XRCC4: variants seen among roughly 807,000 people sequenced by gnomAD.
XRCC4 encodes X-ray repair cross complementing 4, also known as DNA repair protein XRCC4.
A neutral mutation model predicts 39.1 loss-of-function variants in XRCC4; 28 were observed. That is an observed-to-expected ratio of 0.72 (90% CI 0.53 to 0.98). XRCC4 has a LOEUF of 0.98. Among genes scored for constraint, XRCC4 ranks in the 50% least tolerant of loss-of-function variants. XRCC4 has a pLI of 0.00. For missense variants in XRCC4, 350 were observed against 376.4 expected, an observed-to-expected ratio of 0.93 and a Z score of 0.58; for synonymous variants, 123 against 126.4, an observed-to-expected ratio of 0.97 and a Z score of 0.18.
At chr5:83,364,987 T>G in the XRCC4 span, among the ~76,000 whole-genome samples, 2 of 152,222 alleles carry the variant, frequency 1.3e-5, no homozygotes, top group Non-Finnish European at 2.9e-5. Flanking sequence ...TAGAATGGCT[T>G]GCCATAGGCT....
chr5:83,279,004 CAAAA>C (rs529797820), intron 7 of XRCC4, among the ~76,000 whole-genome samples: 1 of 61,044 alleles, frequency 1.6e-5, no homozygotes, highest in Non-Finnish European at 3.7e-5. Context: ...CCATCTCTAC[CAAAA>C]AAAAAAAAAA....
rs1234162353 is a variant in XRCC4, at chr5:83,353,268, C to G, written c.*26C>G. 6.7e-7 allele frequency: 1 copy of G among 1,497,498 alleles called. No homozygotes were observed. Among genetic ancestry groups the G allele is most frequent in the African/African-American group, 1.4e-5 (1 of 70,656 alleles). 92.8% of individuals were successfully genotyped at this position (1,497,498 alleles called of 1,614,324 possible). A position where few individuals can be genotyped will look rare whatever the true frequency, so the allele number is the denominator to read the frequency against. ...CAGTCTCAAAAAATACTTTGATGTTCACTAGACTATGTTTTCTATTCATTT... is the reference window on the plus strand; with the variant it reads ...CAGTCTCAAAAAATACTTTGATGTTGACTAGACTATGTTTTCTATTCATTT... On this transcript the variant is annotated 3_prime_UTR_variant, in exon 8 of 8. Coordinates refer to ENST00000396027, the MANE Select transcript of XRCC4 (RefSeq NM_003401.5).
intron 1 of XRCC4, among the ~76,000 whole-genome samples, chr5:83,080,961 T>C (rs994348898): frequency 2.0e-5 from 3 of 152,194 alleles, no homozygotes; most frequent in African/African-American, 7.2e-5. Context: ...TTTATGCTAG[T>C]TTTACTGTCA....
intron 7 of XRCC4, among the ~76,000 whole-genome samples, chr5:83,300,546 T>TTGTGTGTG (rs70973389): frequency 0.04 from 5,093 of 126,868 alleles, 187 homozygotes; most frequent in East Asian, 0.15. Context: ...TATCTTTTGT[T>TTGTGTGTG]TGTGTGTGTG....
chr5:83,093,789 T>C (rs1745541062), intron 1 of XRCC4, among the ~76,000 whole-genome samples: 3 of 152,084 alleles, frequency 2.0e-5, no homozygotes, highest in Admixed American at 2.0e-4. Context: ...TATGCCAAAA[T>C]TTATGGGATG....
intron 6 of XRCC4, among the ~76,000 whole-genome samples, chr5:83,216,526 A>G (rs527594043): frequency 5.9e-5 from 9 of 152,320 alleles, no homozygotes; most frequent in Non-Finnish European, 7.4e-5. Flanking sequence ...TGTTCATCAG[A>G]GCATTAGTAA....
the XRCC4 span, among the ~76,000 whole-genome samples, chr5:83,365,947 G>A: frequency 5.9e-5 from 9 of 152,104 alleles, no homozygotes; most frequent in South Asian, 2.1e-4. Context: ...AAATAGTGAC[G>A]GACTGAAACT....
intron 7 of XRCC4, among the ~76,000 whole-genome samples, chr5:83,338,611 C>T (rs1756662295): frequency 6.6e-6 from 1 of 152,016 alleles, no homozygotes; most frequent in African/African-American, 2.4e-5. Context: ...TTCTATTAAG[C>T]CATTGATTAT....
intron 6 of XRCC4, among the ~76,000 whole-genome samples, chr5:83,214,609 G>T (rs1751780339): frequency 6.6e-6 from 1 of 152,016 alleles, no homozygotes; most frequent in Non-Finnish European, 1.5e-5. Flanking sequence ...GAGGTGGGCA[G>T]ATCACAAGGT....
intron 3 of XRCC4, among the ~76,000 whole-genome samples, chr5:83,194,370 A>G (rs137858135): frequency 4.4e-4 from 67 of 152,316 alleles, no homozygotes; most frequent in African/African-American, 1.6e-3. Flanking sequence ...ATTTAAGCTT[A>G]TATGCCTGTT....
At chr5:83,323,339 G>A (rs529570474) in intron 7 of XRCC4, among the ~76,000 whole-genome samples, 1 of 152,058 alleles carries the variant, frequency 6.6e-6, no homozygotes, top group Non-Finnish European at 1.5e-5. Flanking sequence ...CTTGGAAAAT[G>A]TAATAGTAAA....
At chr5:83,231,168 C>G (rs941057450) in intron 6 of XRCC4, among the ~76,000 whole-genome samples, 1 of 151,958 alleles carries the variant, frequency 6.6e-6, no homozygotes, top group African/African-American at 2.4e-5. Flanking sequence ...TGATACTCAT[C>G]TTTTTCCTAT....
chr5:83,203,715 C>T lies in XRCC4; in HGVS notation c.638+8C>T, dbSNP rs746319682. On this transcript the variant is annotated splice_region_variant and intron_variant, in intron 5 of 7. Transcript: ENST00000396027. Reference sequence around the variant, plus strand: ...GGACATCAAACAAGAAGGGTATTTTCGCTATCTTGTTTTTGGATGACAGAT... The same window carrying T: ...GGACATCAAACAAGAAGGGTATTTTTGCTATCTTGTTTTTGGATGACAGAT... The T allele has an allele frequency of 1.4e-5, 23 of 1,606,668 alleles. No individual in the cohort carries two copies. Among genetic ancestry groups the T allele is most frequent in the East Asian group, 4.5e-5 (2 of 44,418 alleles).
chr5:83,184,662 TATTATA>T lies in XRCC4; in HGVS notation c.316-11106_316-11101del, dbSNP rs1291737346. On this transcript the variant is annotated intron_variant, in intron 3 of 7. Transcript: ENST00000396027. ...ATCCCATAGCATGATAATTTTATCATATTATAACTTTTGGCCAGTATTTGCTTACTC... is the reference window on the plus strand; with the variant it reads ...ATCCCATAGCATGATAATTTTATCATACTTTTGGCCAGTATTTGCTTACTC... Among the ~76,000 whole-genome samples, 4 of 152,252 alleles carry T rather than the reference TATTATA, an allele frequency of 2.6e-5. No individual in the cohort carries two copies. In the East Asian group the frequency reaches 5.8e-4, roughly 22 times the overall value.
chr5:83,256,509 T>A (rs1157356089), intron 6 of XRCC4, among the ~76,000 whole-genome samples: 1 of 152,152 alleles, frequency 6.6e-6, no homozygotes, highest in African/African-American at 2.4e-5. Flanking sequence ...AGTTTACAAA[T>A]CTATAACTGA....
chr5:83,236,458 A>G (rs1752693872), intron 6 of XRCC4, among the ~76,000 whole-genome samples: 1 of 152,126 alleles, frequency 6.6e-6, no homozygotes, highest in Non-Finnish European at 1.5e-5. Flanking sequence ...CACCAAGAAC[A>G]TACATGGGGA....
intron 3 of XRCC4, among the ~76,000 whole-genome samples, chr5:83,178,895 A>G (rs1165270121): frequency 6.6e-6 from 1 of 152,094 alleles, no homozygotes; most frequent in Non-Finnish European, 1.5e-5. Context: ...CCAATGTGTA[A>G]CATTCACTGT....
intron 7 of XRCC4, among the ~76,000 whole-genome samples, chr5:83,302,371 C>T (rs1053803501): frequency 2.6e-5 from 4 of 152,136 alleles, no homozygotes; most frequent in Non-Finnish European, 5.9e-5. Context: ...CTGCAGGTTG[C>T]GAAGAACATG....
chr5:83,214,712 T>C (rs906506443), intron 6 of XRCC4, among the ~76,000 whole-genome samples: 7 of 151,510 alleles, frequency 4.6e-5, no homozygotes, highest in African/African-American at 1.5e-4. Flanking sequence ...TGTGGGCGCC[T>C]GTAGTCCCAG....
Sources: gnomAD v4.1 joint callset for allele counts (sites outside exome capture counted in the v4.1 genomes callset) on GRCh38, gnomAD v4.1.1 for gene constraint, MANE v1.5 for transcripts, NCBI Gene and HGNC (gene_info 2026-07-23, HGNC 2026-07-21) for gene names.